Variants in GRIK4 observed in about 807,000 individuals in gnomAD.
The protein encoded by GRIK4 is glutamate receptor ionotropic, kainate 4.
In GRIK4, 40 loss-of-function variants were observed where a neutral mutation model predicts 104.9. The observed-to-expected ratio is 0.38, with a 90% CI of 0.30 to 0.50. The LOEUF is 0.50. Among genes scored for constraint, GRIK4 ranks in the 20% least tolerant of loss-of-function variants. The pLI is 0.93. For missense variants in GRIK4, 1,047 were observed against 1,308.1 expected, an observed-to-expected ratio of 0.80 and a Z score of 3.08; for synonymous variants, 485 against 524.9, an observed-to-expected ratio of 0.92 and a Z score of 1.04.
intron 3 of GRIK4, among the ~76,000 whole-genome samples, chr11:120,723,559 C>T (rs1268762500): frequency 6.6e-6 from 1 of 152,212 alleles, no homozygotes; most frequent in Admixed American, 6.5e-5. Context: ...GTTGCTTGCC[C>T]AAGGTCACAC....
At chr11:120,957,626 T>TGTGTGTGTGTGTGTGTGTGTGTGG (rs58873698) in intron 16 of GRIK4, among the ~76,000 whole-genome samples, 1 of 62,238 alleles carries the variant, frequency 1.6e-5, no homozygotes, top group African/African-American at 5.8e-5. Flanking sequence ...TGTGTGTGTG[T>TGTGTGTGTGTGTGTGTGTGTGTGG]AGCCTAGAGA....
At chr11:120,597,802 C>T (rs532124770) in intron 1 of GRIK4, among the ~76,000 whole-genome samples, 1 of 152,226 alleles carries the variant, frequency 6.6e-6, no homozygotes, top group Admixed American at 6.5e-5. Context: ...TTTTAGCGAC[C>T]TCTGTGAGAT....
At chr11:120,742,523 A>T (rs563249823) in intron 3 of GRIK4, among the ~76,000 whole-genome samples, 8,291 of 115,416 alleles carry the variant, frequency 0.072, 283 homozygotes, top group South Asian at 0.16. Context: ...TATTATTATT[A>T]TTATTTTTTT....
intron 6 of GRIK4, among the ~76,000 whole-genome samples, chr11:120,828,006 A>G (rs749566618): frequency 1.3e-5 from 2 of 152,152 alleles, no homozygotes; most frequent in African/African-American, 2.4e-5. Flanking sequence ...CTGCCTCATG[A>G]CAGCCCTTCC....
At chr11:120,532,112 G>C (rs1160001833) in intron 1 of GRIK4, among the ~76,000 whole-genome samples, 3 of 152,210 alleles carry the variant, frequency 2.0e-5, no homozygotes, top group Non-Finnish European at 4.4e-5. Flanking sequence ...CACAGCTGGA[G>C]CCGGGTACCT....
At chr11:120,521,675 A>G (rs920972628) in intron 1 of GRIK4, among the ~76,000 whole-genome samples, 1 of 152,184 alleles carries the variant, frequency 6.6e-6, no homozygotes, top group Non-Finnish European at 1.5e-5. Flanking sequence ...GCTATTCCCA[A>G]GGTAGAGAAT....
At chr11:120,540,243 G>T (rs2136087233) in intron 1 of GRIK4, among the ~76,000 whole-genome samples, 1 of 152,310 alleles carries the variant, frequency 6.6e-6, no homozygotes, top group Middle Eastern at 3.4e-3. Context: ...ACAGAGCGCA[G>T]GGTCTGAGCC....
intron 11 of GRIK4, among the ~76,000 whole-genome samples, chr11:120,877,091 C>T (rs779797721): frequency 2.6e-5 from 4 of 152,182 alleles, no homozygotes; most frequent in Non-Finnish European, 4.4e-5. Flanking sequence ...CAGAGAGGAG[C>T]CCAGAGTCCT....
At chr11:120,883,024 C>T (rs1565414644) in intron 11 of GRIK4, among the ~76,000 whole-genome samples, 1 of 152,212 alleles carries the variant, frequency 6.6e-6, no homozygotes, top group Non-Finnish European at 1.5e-5. Context: ...AGCACCGGTC[C>T]AGTGCTCCGT....
intron 8 of GRIK4, among the ~76,000 whole-genome samples, chr11:120,847,240 A>G (rs1953872533): frequency 6.6e-6 from 1 of 152,208 alleles, no homozygotes; most frequent in Admixed American, 6.5e-5. Context: ...AGGTCTCCTC[A>G]CTCACACAGT....
Position 120,562,158 on chromosome 11 carries a change from C to A in GRIK4, c.-159+50271C>A, listed in dbSNP as rs553590777. 1.4e-4 allele frequency among the ~76,000 whole-genome samples: 22 copies of A among 152,342 alleles called. No individual in the cohort carries two copies. The South Asian group carries it at 4.6e-3, about 32-fold the overall frequency. ...AACCCATTGATTCACCTAAGCCCAA[C>A]AGCCTTAAGATATTACCTTTATCCA... On this transcript the variant is annotated intron_variant, in intron 1 of 20. Transcript: ENST00000527524.
At chr11:120,686,080 C>T (rs1249233430) in intron 3 of GRIK4, among the ~76,000 whole-genome samples, 4 of 151,974 alleles carry the variant, frequency 2.6e-5, no homozygotes, top group Non-Finnish European at 5.9e-5. Flanking sequence ...ACATGTGATT[C>T]AAGGGATTAT....
chr11:120,831,738 C>T, intron 6 of GRIK4, 114 bp from the exon 7 acceptor site: 31 of 731,222 alleles, frequency 4.2e-5, no homozygotes, highest in Admixed American at 9.1e-5. Context: ...TCAGTGGGGC[C>T]AGACCCCCCG....
At chr11:120,861,406 C>T (rs1002319319) in intron 8 of GRIK4, among the ~76,000 whole-genome samples, 3 of 152,078 alleles carry the variant, frequency 2.0e-5, no homozygotes, top group Non-Finnish European at 2.9e-5. Flanking sequence ...CTGCACCCGG[C>T]CCTATCATTT....
intron 11 of GRIK4, among the ~76,000 whole-genome samples, chr11:120,891,080 G>T (rs1231669711): frequency 6.6e-6 from 1 of 152,254 alleles, no homozygotes; most frequent in Non-Finnish European, 1.5e-5. Flanking sequence ...GTGGCAAAAT[G>T]ACAGCCCTGT....
chr11:120,884,465 G>A (rs1039854705), intron 11 of GRIK4, among the ~76,000 whole-genome samples: 2 of 152,238 alleles, frequency 1.3e-5, no homozygotes, highest in African/African-American at 4.8e-5. Context: ...GCAAAGACCG[G>A]CCCATGCCAG....
At chr11:120,789,718 TC>T (rs559776522) in intron 3 of GRIK4, among the ~76,000 whole-genome samples, 53 of 152,196 alleles carry the variant, frequency 3.5e-4, no homozygotes, top group African/African-American at 1.2e-3. Context: ...CCATCTGCCT[TC>T]CCTGCCAGGT....
At chr11:120,661,710 C>T (rs904142315) in intron 3 of GRIK4, among the ~76,000 whole-genome samples, 4 of 152,194 alleles carry the variant, frequency 2.6e-5, no homozygotes, top group Middle Eastern at 3.4e-3. Context: ...TGAGCTGCTT[C>T]GTTTTACCTT....
intron 3 of GRIK4, among the ~76,000 whole-genome samples, chr11:120,690,765 T>C (rs968584455): frequency 2.0e-5 from 3 of 152,238 alleles, no homozygotes; most frequent in African/African-American, 7.2e-5. Flanking sequence ...CCAATGTTCC[T>C]AAGGCCCAGA....
Sources: allele counts gnomAD v4.1 joint callset (sites outside exome capture counted in the v4.1 genomes callset), GRCh38; gene constraint gnomAD v4.1.1; transcripts MANE v1.5; gene names NCBI Gene and HGNC (gene_info 2026-07-23, HGNC 2026-07-21).